The following SCP2 variants were observed in gnomAD, a reference collection of about 807,000 sequenced individuals.
The protein encoded by SCP2 is sterol carrier protein 2, also known as SCP-2/3-oxoacyl-CoA thiolase.
Under a neutral mutation model 71.4 loss-of-function variants are expected in SCP2, and 48 were observed. The observed-to-expected ratio is 0.67, with a 90% CI of 0.53 to 0.86. The LOEUF (loss-of-function observed/expected upper bound fraction) is 0.86, where lower values mean the gene tolerates loss of function less well. Among genes scored for constraint, SCP2 ranks in the 40% least tolerant of loss-of-function variants. SCP2 has a pLI of 0.00. For synonymous variants in SCP2, 220 were observed against 218.1 expected, an observed-to-expected ratio of 1.01 and a Z score of -0.08; for missense variants, 560 against 655.6, an observed-to-expected ratio of 0.85 and a Z score of 1.59.
At chr1:53,038,245 T>TATATAATGACATATATATATATGTCAC (rs1663162930) in intron 13 of SCP2, among the ~76,000 whole-genome samples, 2 of 128,196 alleles carry the variant, frequency 1.6e-5, no homozygotes, top group Admixed American at 9.5e-5. Flanking sequence ...CATTTATATA[T>TATATAATGACATATATATATATGTCAC]GTGTGTGTAC....
intron 11 of SCP2, among the ~76,000 whole-genome samples, chr1:53,002,897 G>T (rs2150211696): frequency 6.6e-6 from 1 of 152,300 alleles, no homozygotes; most frequent in East Asian, 1.9e-4. Flanking sequence ...GTAAGAGGTT[G>T]CCAAAATAAA....
intron 6 of SCP2, among the ~76,000 whole-genome samples, chr1:52,969,372 G>T (rs1657253121): frequency 6.6e-6 from 1 of 151,018 alleles, no homozygotes; most frequent in Non-Finnish European, 1.5e-5. Context: ...TAGCTGGTGT[G>T]GTGGCACATG....
chr1:52,940,781 C>T lies in SCP2; in HGVS notation c.70-1015C>T, dbSNP rs185831805. ...TATTTTATTTTTGGAGACAGAGTCT[C>T]ATTCTGTCATCCAGGCTGGAGTGCA... On this transcript the variant is annotated intron_variant, in intron 1 of 15. Coordinates refer to ENST00000371514, the MANE Select transcript of SCP2 (RefSeq NM_002979.5). 2.4e-3 allele frequency among the ~76,000 whole-genome samples: 367 copies of T among 152,218 alleles called. 1 individual carries two copies. Among genetic ancestry groups the T allele is most frequent in the African/African-American group, 7.2e-3 (299 of 41,536 alleles).
chr1:52,975,650 A>G (rs910789693), intron 7 of SCP2, among the ~76,000 whole-genome samples: 3 of 152,228 alleles, frequency 2.0e-5, no homozygotes, highest in Admixed American at 6.5e-5. Context: ...TAATTAATGT[A>G]CTTGTATAAT....
intron 5 of SCP2, 77 bp downstream of exon 5, chr1:52,954,881 A>G: frequency 2.0e-6 from 2 of 1,011,396 alleles, no homozygotes; most frequent in Non-Finnish European, 1.6e-6. Context: ...ACATGTATGC[A>G]TAGATCTTGG....
intron 1 of SCP2, among the ~76,000 whole-genome samples, chr1:52,934,447 T>C (rs1019231733): frequency 6.6e-6 from 1 of 152,096 alleles, no homozygotes; most frequent in African/African-American, 2.4e-5. Context: ...CAATGGATGA[T>C]GTTCTGCATT....
chr1:52,975,870 C>G (rs72899328), intron 7 of SCP2, among the ~76,000 whole-genome samples: 2,574 of 152,246 alleles, frequency 0.017, 44 homozygotes, highest in African/African-American at 0.057. Flanking sequence ...CAGTCCTCCA[C>G]AAGACTGCTC....
intron 14 of SCP2, among the ~76,000 whole-genome samples, chr1:53,044,499 G>A (rs749334581): frequency 6.6e-6 from 1 of 152,090 alleles, no homozygotes; most frequent in Non-Finnish European, 1.5e-5. Flanking sequence ...ACTCTTCAAG[G>A]ACCTGTGCAT....
intron 5 of SCP2, among the ~76,000 whole-genome samples, chr1:52,958,802 G>T (rs115347945): frequency 6.6e-6 from 1 of 152,202 alleles, no homozygotes; most frequent in Admixed American, 6.5e-5. Flanking sequence ...CAATCCTCCC[G>T]CCTGGGCCTC....
At chr1:53,016,696 C>T (rs1661364757) in intron 12 of SCP2, among the ~76,000 whole-genome samples, 1 of 152,002 alleles carries the variant, frequency 6.6e-6, no homozygotes, top group Non-Finnish European at 1.5e-5. Context: ...TGTGTGGGTA[C>T]AGAGTAGATT....
At chr1:52,976,862 G>A (rs1658017443) in intron 8 of SCP2, 93 bp downstream of exon 8, 2 of 752,008 alleles carry the variant, frequency 2.7e-6, no homozygotes, top group Non-Finnish European at 4.8e-6. Flanking sequence ...CTGCATCTGG[G>A]CGGAGCTTTC....
chr1:52,941,799 G>T lies in SCP2; in HGVS notation c.73G>T (p.Val25Leu), dbSNP rs956111836. 8 of 1,592,850 alleles carry T rather than the reference G, an allele frequency of 5.0e-6. No homozygotes were observed. In the Middle Eastern group the frequency reaches 6.7e-4, roughly 133 times the overall value. ...FVVGVGMTKF[V>L]KPGAENSRDY... Reference sequence around the variant, plus strand: ...TTATCTCTTTCTATATCTCTAGTTTGTGAAGCCTGGAGCTGAGAATTCAAG... The same window carrying T: ...TTATCTCTTTCTATATCTCTAGTTTTTGAAGCCTGGAGCTGAGAATTCAAG... Residue 25 changes from valine (V) to leucine (L), a missense_variant, in exon 2 of 16, where the codon GTG becomes TTG. Around this residue, in one of 3 missense-constraint regions of SCP2, gnomAD observed 513 missense variants for 573.1 expected, o/e 0.90. Coordinates refer to ENST00000371514, the MANE Select transcript of SCP2 (RefSeq NM_002979.5).
intron 12 of SCP2, among the ~76,000 whole-genome samples, chr1:53,015,287 C>G (rs1020081992): frequency 6.6e-6 from 1 of 152,194 alleles, no homozygotes; most frequent in Non-Finnish European, 1.5e-5. Context: ...GAAGCCTGAG[C>G]TAGCTGGGTA....
chr1:53,048,296 G>C, intron 15 of SCP2: 1 of 329,080 alleles, frequency 3.0e-6, no homozygotes, highest in Non-Finnish European at 6.0e-6. Flanking sequence ...CAGCTCTTGA[G>C]CTTAGTACCC....
intron 2 of SCP2, among the ~76,000 whole-genome samples, chr1:52,944,827 A>T (rs1029841499): frequency 2.0e-5 from 3 of 151,668 alleles, no homozygotes; most frequent in Admixed American, 2.0e-4. Context: ...TTGTATTTTT[A>T]GTAAAGATGG....
Position 53,050,877 on chromosome 1 carries a change from C to A in SCP2, c.*173C>A. 1 of 585,874 alleles carries A rather than the reference C, an allele frequency of 1.7e-6. No individual in the cohort carries two copies. The highest frequency in any genetic ancestry group is 3.1e-6 in the Non-Finnish European group (1 of 325,702). 36.3% of individuals were successfully genotyped at this position (585,874 alleles called of 1,614,324 possible). On this transcript the variant is annotated 3_prime_UTR_variant, in exon 16 of 16. Transcript: ENST00000371514. ...TTTCCTATGCTCTGGGTGAATAGAGCCTGATGGTATACTACTGCTTTGCGG... is the reference window on the plus strand; with the variant it reads ...TTTCCTATGCTCTGGGTGAATAGAGACTGATGGTATACTACTGCTTTGCGG...
intron 4 of SCP2, among the ~76,000 whole-genome samples, chr1:52,954,037 C>T (rs1363420124): frequency 6.7e-6 from 1 of 150,276 alleles, no homozygotes; most frequent in Non-Finnish European, 1.5e-5. Context: ...TGGTGCCGGG[C>T]ATAGTGGCTC....
At chr1:52,993,329 C>G (rs1160086308) in intron 11 of SCP2, 1 of 1,614,050 alleles carries the variant, frequency 6.2e-7, no homozygotes, top group African/African-American at 1.3e-5. Flanking sequence ...TACATTCATC[C>G]TAATCTTTGC....
chr1:52,933,229 G>A (rs569667184), intron 1 of SCP2, among the ~76,000 whole-genome samples: 2 of 152,192 alleles, frequency 1.3e-5, no homozygotes, highest in Admixed American at 6.5e-5. Context: ...GAGCCAACCT[G>A]TAGTTCTCAC....
Sources: allele counts gnomAD v4.1 joint callset (sites outside exome capture counted in the v4.1 genomes callset), GRCh38; gene constraint gnomAD v4.1.1; regional missense constraint gnomAD v4.1.1; transcripts MANE v1.5; gene names NCBI Gene and HGNC (gene_info 2026-07-23, HGNC 2026-07-21).